Variants in VCP observed in about 807,000 individuals in gnomAD.
The protein encoded by VCP is transitional endoplasmic reticulum ATPase.
In VCP, 6 loss-of-function variants were observed where a neutral mutation model predicts 85.7. The observed-to-expected ratio is 0.07, with a 90% CI of 0.04 to 0.14. The LOEUF (loss-of-function observed/expected upper bound fraction) is 0.14. Among genes scored for constraint, VCP ranks in the 10% least tolerant of loss-of-function variants. The pLI is 1.00. For synonymous variants in VCP, 384 were observed against 367.1 expected, an observed-to-expected ratio of 1.05 and a Z score of -0.53; for missense variants, 353 against 1,043.4, an observed-to-expected ratio of 0.34 and a Z score of 9.12.
intron 7 of VCP, 99 bp from the exon 8 acceptor site, chr9:35,062,449 T>C: frequency 1.9e-6 from 3 of 1,584,172 alleles, no homozygotes; most frequent in Non-Finnish European, 2.6e-6. Flanking sequence ...AGACAGGTCC[T>C]GGGTGAGAAG....
Position 35,059,135 on chromosome 9 carries a change from G to T in VCP, c.2089C>A (p.Leu697Met). Reference sequence around the variant, plus strand: ...CTCTCGATGGATTCACGGATGGCCAGCTTGCAAGCACGCTGGCAAATCTCT... The same window carrying T: ...CTCTCGATGGATTCACGGATGGCCATCTTGCAAGCACGCTGGCAAATCTCT... ...LTEICQRACK[L>M]AIRESIESEI... The change falls in exon 15 of 17, where the codon CTG (leucine) becomes ATG (methionine). Residue 697 changes from leucine (L) to methionine (M), a missense_variant. By Grantham distance (15) the Leu-to-Met change is conservative (BLOSUM62 2). Around this residue, in one of 8 missense-constraint regions of VCP, gnomAD observed 93 missense variants for 197.1 expected, o/e 0.47. Transcript: ENST00000358901. The surrounding 1 kb of genome is among the most constrained non-coding windows in gnomAD (Gnocchi z 4.9). The T allele has an allele frequency of 2.5e-6, 4 of 1,614,120 alleles. No individual in the cohort carries two copies. The highest frequency in any genetic ancestry group is 1.7e-6 in the Non-Finnish European group (2 of 1,180,032).
chr9:35,071,002 G>A (rs957409639), intron 1 of VCP, among the ~76,000 whole-genome samples: 1 of 152,110 alleles, frequency 6.6e-6, no homozygotes, highest in African/African-American at 2.4e-5. Flanking sequence ...ACTGCACAGG[G>A]GACTCCACGG....
Position 35,072,393 on chromosome 9 carries a change from G to A in VCP, c.-40C>T, listed in dbSNP as rs11546023. The A allele has an allele frequency of 1.2e-5, 18 of 1,472,884 alleles. No homozygotes were observed. The highest frequency in any genetic ancestry group is 9.5e-5 in the Admixed American group (4 of 42,200). 91.2% of individuals were successfully genotyped at this position (1,472,884 alleles called of 1,614,324 possible). A position where few individuals can be genotyped will look rare whatever the true frequency, so the allele number is the denominator to read the frequency against. ...CCGGCCGGCGGCTGTGGCGGCCCGC[G>A]GGTAACGGCTACGAGCGGTGGCAAG... On this transcript the variant is annotated 5_prime_UTR_variant, in exon 1 of 17. Transcript: ENST00000358901.
intron 7 of VCP, 97 bp downstream of exon 7, chr9:35,062,881 G>T: frequency 9.3e-7 from 1 of 1,071,784 alleles, no homozygotes; most frequent in Non-Finnish European, 1.5e-6. Flanking sequence ...ATGAAGGAGG[G>T]CATGGGTGCA....
At chr9:35,065,493 T>C in intron 4 of VCP, 112 bp from the exon 5 acceptor site, 3 of 1,436,252 alleles carry the variant, frequency 2.1e-6, no homozygotes, top group Non-Finnish European at 2.9e-6. Context: ...TGCCCTTCAT[T>C]AGATATTGCC....
At chr9:35,068,528 A>G (rs1220424225) in intron 1 of VCP, among the ~76,000 whole-genome samples, 166 bp from the exon 2 acceptor site, 3 of 152,192 alleles carry the variant, frequency 2.0e-5, no homozygotes, top group African/African-American at 7.2e-5. Flanking sequence ...TATCTACCAT[A>G]CATATTACAA....
intron 15 of VCP, among the ~76,000 whole-genome samples, 163 bp downstream of exon 15, chr9:35,058,901 T>C (rs190474237): frequency 6.6e-6 from 1 of 152,380 alleles, no homozygotes; most frequent in African/African-American, 2.4e-5. Context: ...TTATTCCAAA[T>C]TGAATGGATT....
Position 35,072,369 on chromosome 9 carries a change from C to T in VCP, c.-16G>A. The T allele has an allele frequency of 4.7e-6, 7 of 1,476,758 alleles. No homozygotes were observed. Among genetic ancestry groups the T allele is most frequent in the South Asian group, 1.3e-5 (1 of 77,620 alleles). The allele number at this position is 1,476,758 out of a possible 1,614,324, so 91.5% of individuals were successfully genotyped here. On this transcript the variant is annotated 5_prime_UTR_variant, in exon 1 of 17. Coordinates refer to ENST00000358901, the MANE Select transcript of VCP (RefSeq NM_007126.5). The stretch of plus-strand genomic sequence containing the variant: ...CAGAAGCCATGGCGCGCGCCTCTCC[C>T]GGCCGGCGGCTGTGGCGGCCCGCGG...
rs1176736944 is a variant in VCP at position 35,056,919 on chromosome 9, C to T, written c.*198G>A. 4 of 610,600 alleles carry T rather than the reference C, an allele frequency of 6.6e-6. No homozygotes were observed. The highest frequency in any genetic ancestry group is 3.6e-5 in the South Asian group (2 of 55,820). The allele number at this position is 610,600 out of a possible 1,614,324, so 37.8% of individuals were successfully genotyped here. ...CACTCTCCGCCTACCAAATGAAAAT[C>T]GCTTTTATTTTATCGCTTTTGTTTT... On this transcript the variant is annotated 3_prime_UTR_variant, in exon 17 of 17. Coordinates refer to ENST00000358901, the MANE Select transcript of VCP (RefSeq NM_007126.5).
chr9:35,064,355 A>C, intron 5 of VCP, 70 bp from the exon 6 acceptor site: 2 of 1,596,744 alleles, frequency 1.3e-6, no homozygotes, highest in South Asian at 2.2e-5. Flanking sequence ...GTTTCTCTAA[A>C]TCATTCCACT....
chr9:35,064,361 C>A (rs2131035385), intron 5 of VCP, 76 bp from the exon 6 acceptor site: 1 of 1,590,896 alleles, frequency 6.3e-7, no homozygotes, highest in African/African-American at 1.3e-5. Context: ...CTAAATCATT[C>A]CACTACCTAG....
intron 5 of VCP, among the ~76,000 whole-genome samples, chr9:35,064,772 C>T (rs560536395): frequency 1.3e-5 from 2 of 152,296 alleles, no homozygotes; most frequent in African/African-American, 4.8e-5. Context: ...TTTTGAAATT[C>T]CTGGCATTAG....
chr9:35,057,073 C>T lies in VCP; in HGVS notation c.*44G>A. On this transcript the variant is annotated 3_prime_UTR_variant, in exon 17 of 17. Coordinates refer to ENST00000358901, the MANE Select transcript of VCP (RefSeq NM_007126.5). ...GGCAAGCGCCCCCACCCCCAGGGAA[C>T]AAGGTCCAGGCAGGCCAGCTCACTG... is the stretch of plus-strand genomic sequence containing the variant. The T allele has an allele frequency of 6.8e-6, 11 of 1,607,092 alleles. No homozygotes were observed. Among genetic ancestry groups the T allele is most frequent in the Non-Finnish European group, 9.4e-6 (11 of 1,174,724 alleles).
intron 4 of VCP, among the ~76,000 whole-genome samples, 180 bp downstream of exon 4, chr9:35,066,495 G>A (rs776673109): frequency 7.9e-5 from 12 of 151,296 alleles, no homozygotes; most frequent in Non-Finnish European, 1.6e-4. Context: ...CCAAATTGCT[G>A]GGATTATAGG....
rs1338553913 is a variant in VCP, at chr9:35,062,261, T to C, written c.901A>G (p.Ile301Val). The change falls in exon 8 of 17, where the codon ATC (isoleucine) becomes GTC (valine). Residue 301 changes from isoleucine (I) to valine (V), a missense_variant. This residue lies in a region of VCP where 85 missense variants were observed against 345.2 expected (regional missense o/e 0.25). Coordinates refer to ENST00000358901, the MANE Select transcript of VCP (RefSeq NM_007126.5). ...ATGGCATCTAGCTCATCAATGAAGA[T>C]GATGGCAGGAGCATTCTTCTCAGCC... ...EEAEKNAPAI[I>V]FIDELDAIAP... The C allele has an allele frequency of 2.5e-6, 4 of 1,614,198 alleles. No homozygotes were observed. The highest frequency in any genetic ancestry group is 2.5e-6 in the Non-Finnish European group (3 of 1,180,020).
At chr9:35,070,275 A>G (rs1380442251) in intron 1 of VCP, among the ~76,000 whole-genome samples, 1 of 152,122 alleles carries the variant, frequency 6.6e-6, no homozygotes, top group Non-Finnish European at 1.5e-5. Context: ...AACACACTAG[A>G]GGCCAAGCAT....
chr9:35,060,514 C>A lies in VCP; in HGVS notation c.1494G>T (p.Glu498Asp). ...ELQELVQYPV[E>D]HPDKFLKFGM... Reference sequence around the variant, plus strand: ...CAAACTTCAGGAATTTGTCTGGGTGCTCCACAGGATACTAGGAGGAAAAGG... The same window carrying A: ...CAAACTTCAGGAATTTGTCTGGGTGATCCACAGGATACTAGGAGGAAAAGG... Residue 498 changes from glutamate (E) to aspartate (D), a missense_variant, in exon 13 of 17, where the codon GAG becomes GAT. By Grantham distance (45) the Glu-to-Asp change is conservative. This residue lies in a region of VCP where 18 missense variants were observed against 71.2 expected (regional missense o/e 0.25). Coordinates refer to ENST00000358901, the MANE Select transcript of VCP (RefSeq NM_007126.5). 2 of 1,614,126 alleles carry A rather than the reference C, an allele frequency of 1.2e-6. No homozygotes were observed. Among genetic ancestry groups the A allele is most frequent in the Non-Finnish European group, 1.7e-6 (2 of 1,180,032 alleles).
At chr9:35,066,841 T>C (rs778635041) in intron 3 of VCP, 24 bp from the exon 4 acceptor site, 4 of 1,613,706 alleles carry the variant, frequency 2.5e-6, no homozygotes, top group Admixed American at 3.3e-5. Flanking sequence ...GCAGACTCCA[T>C]ATTACCAACC....
rs928010857 is a variant in VCP at position 35,056,591 on chromosome 9, T to C, written c.*526A>G. ...ATTTTGACCCAACGTTTATTGTCCT[T>C]TTACAACATGTCATTTTTTGGTTTA... On this transcript the variant is annotated 3_prime_UTR_variant, in exon 17 of 17. Transcript: ENST00000358901. The C allele has an allele frequency of 1.1e-5, 2 of 179,712 alleles. No homozygotes were observed. The highest frequency in any genetic ancestry group is 4.7e-5 in the African/African-American group (2 of 42,298). The allele number at this position is 179,712 out of a possible 1,614,324, so 11.1% of individuals were successfully genotyped here.
Sources: gnomAD v4.1 joint callset for allele counts (sites outside exome capture counted in the v4.1 genomes callset) on GRCh38, gnomAD v4.1.1 for gene constraint, gnomAD v4.1.1 regional missense constraint, Gnocchi (gnomAD v3.1) non-coding constraint, MANE v1.5 for transcripts, NCBI Gene and HGNC (gene_info 2026-07-23, HGNC 2026-07-21) for gene names.